Variants in PREX2 observed in about 807,000 individuals in gnomAD.
PREX2 encodes phosphatidylinositol 3,4,5-trisphosphate-dependent Rac exchanger 2 protein.
PREX2 carries 107 observed loss-of-function variants against 203.2 expected under a neutral mutation model. The observed-to-expected ratio is 0.53, with a 90% CI of 0.45 to 0.62. The LOEUF (loss-of-function observed/expected upper bound fraction) is 0.62, where lower values mean the gene tolerates loss of function less well. Ranked by LOEUF, PREX2 falls within the 20% of genes least tolerant of loss-of-function variation. The pLI is 0.00. For missense variants in PREX2, 1,777 were observed against 1,955.9 expected (o/e 0.91, Z 1.72); for synonymous variants, 672 against 663.6 (o/e 1.01, Z -0.19).
rs559599590 is a variant in PREX2, at chr8:68,081,700, C to T, written c.1878+862C>T. On this transcript the variant is annotated intron_variant, in intron 17 of 39. Coordinates refer to ENST00000288368, the MANE Select transcript of PREX2 (RefSeq NM_024870.4). ...TAATGCTCCTGATGTTCTCTCACTT[C>T]ATCAGCCTTTTTGAGACAAAGTCTC... Among the ~76,000 whole-genome samples, 9 of 152,222 alleles carry T rather than the reference C, an allele frequency of 5.9e-5. No homozygotes were observed. In the South Asian group the frequency reaches 1.9e-3, roughly 32 times the overall value.
chr8:68,197,514 A>G (rs751873438), intron 37 of PREX2, among the ~76,000 whole-genome samples: 4 of 152,018 alleles, frequency 2.6e-5, no homozygotes, highest in Non-Finnish European at 5.9e-5. Context: ...TGTCTTTTAT[A>G]AATCACCCAG....
intron 31 of PREX2, among the ~76,000 whole-genome samples, chr8:68,133,251 AC>A (rs1811043320): frequency 6.6e-6 from 1 of 151,978 alleles, no homozygotes; most frequent in East Asian, 1.9e-4. Flanking sequence ...GGGAGAAACC[AC>A]CCCCATAATC....
intron 1 of PREX2, among the ~76,000 whole-genome samples, chr8:68,010,806 C>G (rs2129609986): frequency 6.6e-6 from 1 of 152,188 alleles, no homozygotes; most frequent in Non-Finnish European, 1.5e-5. Flanking sequence ...TTGAAGGCTT[C>G]CAAACAGCCC....
At position 68,217,721 on chromosome 8, in the gene PREX2, A is replaced by G. The variant is rs532360389; in HGVS notation, c.4707+3A>G. 5 of 1,608,562 alleles carry G rather than the reference A, an allele frequency of 3.1e-6. No individual in the cohort carries two copies. The South Asian group carries it at 3.3e-5, about 11-fold the overall frequency. On this transcript the variant is annotated splice_donor_region_variant and intron_variant, in intron 38 of 39. Coordinates refer to ENST00000288368, the MANE Select transcript of PREX2 (RefSeq NM_024870.4). ...CTACAGATGTGATGCGGAAGCAGGTAGGTCTCATGCAGACTTGGGAATAGT... is the reference window on the plus strand; with the variant it reads ...CTACAGATGTGATGCGGAAGCAGGTGGGTCTCATGCAGACTTGGGAATAGT...
At chr8:68,151,164 T>C (rs1260447642) in intron 34 of PREX2, among the ~76,000 whole-genome samples, 1 of 150,896 alleles carries the variant, frequency 6.6e-6, no homozygotes, top group Non-Finnish European at 1.5e-5. Flanking sequence ...CTCACACTTG[T>C]AATCCCAGAA....
Position 68,072,532 on chromosome 8 carries a change from G to T in PREX2, c.1531G>T (p.Val511Phe). The change falls in exon 14 of 40, where the codon GTC (valine) becomes TTC (phenylalanine). Residue 511 changes from valine (V) to phenylalanine (F), a missense_variant. Val to Phe is a conservative substitution (Grantham distance 50, BLOSUM62 -1). Transcript: ENST00000288368. The stretch of plus-strand genomic sequence containing the variant: ...CCATTTAAGGACCTACAAATCTGTG[G>T]TCATGGCCAACAAACTGATAGACTG... ...DYHLRTYKSV[V>F]MANKLIDWLI... 4 of 1,598,146 alleles carry T rather than the reference G, an allele frequency of 2.5e-6. No individual in the cohort carries two copies. The highest frequency in any genetic ancestry group is 3.4e-6 in the Non-Finnish European group (4 of 1,166,562).
At chr8:68,081,388 G>A (rs755005217) in intron 17 of PREX2, among the ~76,000 whole-genome samples, 2 of 152,182 alleles carry the variant, frequency 1.3e-5, no homozygotes, top group Non-Finnish European at 2.9e-5. Flanking sequence ...ATACTGGTCC[G>A]CAGCCTGGGA....
intron 1 of PREX2, among the ~76,000 whole-genome samples, chr8:67,978,780 G>C (rs2129609120): frequency 6.6e-6 from 1 of 152,194 alleles, no homozygotes; most frequent in Non-Finnish European, 1.5e-5. Flanking sequence ...AGCCACTCTA[G>C]AGTATAATGG....
intron 37 of PREX2, among the ~76,000 whole-genome samples, chr8:68,195,741 A>G (rs1003106207): frequency 1.3e-5 from 2 of 152,224 alleles, no homozygotes; most frequent in African/African-American, 4.8e-5. Flanking sequence ...AGCCATTTTT[A>G]TCATTTACTT....
In PREX2 at chr8:68,011,638, GA is replaced by G. The variant is rs1026051166; in HGVS notation, c.142-6206del. Among the ~76,000 whole-genome samples the G allele has an allele frequency of 1.1e-3, 174 of 152,078 alleles. 1 individual carries two copies. The highest frequency in any genetic ancestry group is 4.1e-3 in the African/African-American group (172 of 41,496). On this transcript the variant is annotated intron_variant, in intron 1 of 39. Transcript: ENST00000288368. ...AGGCTGTAATTATTGACTTTTATATGAATACTCTTATTTTTTTTAATGTTAG... is the reference window on the plus strand; with the variant it reads ...AGGCTGTAATTATTGACTTTTATATGATACTCTTATTTTTTTTAATGTTAG...
chr8:68,043,934 A>AG (rs1424112686), intron 7 of PREX2, among the ~76,000 whole-genome samples: 2 of 152,104 alleles, frequency 1.3e-5, no homozygotes, highest in African/African-American at 4.8e-5. Flanking sequence ...GCCTTCATGA[A>AG]GGATTGCAAA....
intron 1 of PREX2, among the ~76,000 whole-genome samples, chr8:67,987,402 C>T (rs953731200): frequency 4.6e-5 from 7 of 152,072 alleles, no homozygotes; most frequent in African/African-American, 1.7e-4. Context: ...AATTCTTATT[C>T]CTCTTCAATC....
chr8:67,955,556 C>G lies in PREX2; in HGVS notation c.141+3021C>G, dbSNP rs1259585784. ...TCCCAGGTGCTCCTTGCTTTGTATC[C>G]ACTCTACCCTGCATTTCCTTCTTCC... is the stretch of plus-strand genomic sequence containing the variant. On this transcript the variant is annotated intron_variant, in intron 1 of 39. Transcript: ENST00000288368. Among the ~76,000 whole-genome samples the G allele has an allele frequency of 2.6e-5, 4 of 152,158 alleles. No homozygotes were observed. The East Asian group carries it at 7.7e-4, about 29-fold the overall frequency.
chr8:67,973,721 T>C (rs1805990287), intron 1 of PREX2, among the ~76,000 whole-genome samples: 1 of 152,224 alleles, frequency 6.6e-6, no homozygotes, highest in African/African-American at 2.4e-5. Context: ...GGTTTTGTGA[T>C]AATTTTTTTG....
At chr8:68,226,351 CA>C (rs1813056460) in intron 39 of PREX2, among the ~76,000 whole-genome samples, 1 of 152,122 alleles carries the variant, frequency 6.6e-6, no homozygotes, top group Non-Finnish European at 1.5e-5. Context: ...AAACAGGAAT[CA>C]CCCTGTGGAG....
At chr8:67,956,014 A>C (rs1195869922) in intron 1 of PREX2, among the ~76,000 whole-genome samples, 4 of 152,218 alleles carry the variant, frequency 2.6e-5, no homozygotes. Context: ...CATATATTTT[A>C]AATTTTTGTT....
At chr8:68,068,819 C>T (rs545982044) in intron 11 of PREX2, among the ~76,000 whole-genome samples, 58 of 143,752 alleles carry the variant, frequency 4.0e-4, no homozygotes, top group Non-Finnish European at 7.6e-4. Context: ...TTTCTCAAAT[C>T]GTTATATGGA....
chr8:68,105,229 C>T (rs1206284669), intron 23 of PREX2: 1 of 1,367,808 alleles, frequency 7.3e-7, no homozygotes. Flanking sequence ...AGCACATTTC[C>T]AGTACCTGTG....
At chr8:68,101,540 A>C (rs1810263878) in intron 23 of PREX2, 2 of 485,974 alleles carry the variant, frequency 4.1e-6, no homozygotes, top group African/African-American at 4.0e-5. Flanking sequence ...GTTGAAGGAC[A>C]GAAGATTCTT....
Sources: allele counts gnomAD v4.1 joint callset (sites outside exome capture counted in the v4.1 genomes callset), GRCh38; gene constraint gnomAD v4.1.1; transcripts MANE v1.5; gene names NCBI Gene and HGNC (gene_info 2026-07-23, HGNC 2026-07-21).